HS6ST3: variants seen among roughly 807,000 people sequenced by gnomAD.
HS6ST3 encodes the protein heparan sulfate 6-O-sulfotransferase 3, also known as heparan-sulfate 6-O-sulfotransferase 3.
A neutral mutation model predicts 36.7 loss-of-function variants in HS6ST3; 12 were observed. The observed-to-expected ratio is 0.33, with a 90% CI of 0.21 to 0.53. HS6ST3 has a LOEUF of 0.53. HS6ST3 is among the 20% of genes least tolerant of loss of function. HS6ST3 has a pLI of 0.95. For missense variants in HS6ST3, 584 were observed against 640.9 expected (o/e 0.91, Z 0.96); for synonymous variants, 240 against 257.5 (o/e 0.93, Z 0.65).
chr13:96,177,951 C>T (rs1042775511), intron 1 of HS6ST3, among the ~76,000 whole-genome samples: 8 of 152,044 alleles, frequency 5.3e-5, no homozygotes, highest in African/African-American at 1.7e-4. Context: ...CAATTCAACA[C>T]TGAGTGATGA....
intron 1 of HS6ST3, among the ~76,000 whole-genome samples, chr13:96,715,194 G>A (rs1423123065): frequency 2.0e-5 from 3 of 151,598 alleles, no homozygotes; most frequent in African/African-American, 4.8e-5. Context: ...AATATTGAAG[G>A]AAAAATTGGC....
intron 1 of HS6ST3, among the ~76,000 whole-genome samples, chr13:96,627,378 C>G (rs1439031535): frequency 2.0e-5 from 3 of 151,908 alleles, no homozygotes; most frequent in Admixed American, 2.0e-4. Context: ...GACAACTTGG[C>G]TATGTTGAGC....
chr13:96,149,457 T>C (rs2054074029), intron 1 of HS6ST3, among the ~76,000 whole-genome samples: 1 of 152,168 alleles, frequency 6.6e-6, no homozygotes, highest in Non-Finnish European at 1.5e-5. Context: ...GCTCACCTCT[T>C]ATTAAAGTGA....
intron 1 of HS6ST3, among the ~76,000 whole-genome samples, chr13:96,669,298 A>G (rs1302959345): frequency 2.0e-5 from 3 of 152,162 alleles, no homozygotes; most frequent in Non-Finnish European, 4.4e-5. Flanking sequence ...GTGGCACTGT[A>G]GTGCACTGTG....
intron 1 of HS6ST3, among the ~76,000 whole-genome samples, chr13:96,316,190 A>T (rs766234396): frequency 2.6e-5 from 4 of 152,152 alleles, no homozygotes; most frequent in Non-Finnish European, 5.9e-5. Context: ...ACACATACAC[A>T]TATATGCATA....
intron 1 of HS6ST3, among the ~76,000 whole-genome samples, chr13:96,459,019 G>C (rs1275196652): frequency 6.9e-6 from 1 of 144,590 alleles, no homozygotes; most frequent in East Asian, 2.2e-4. Context: ...CAGGAGAATT[G>C]TTTGAACTCT....
intron 1 of HS6ST3, among the ~76,000 whole-genome samples, chr13:96,359,124 G>A (rs2139434957): frequency 6.6e-6 from 1 of 152,186 alleles, no homozygotes; most frequent in Non-Finnish European, 1.5e-5. Context: ...TACTTTTGGG[G>A]GCAATTACAA....
intron 1 of HS6ST3, among the ~76,000 whole-genome samples, chr13:96,238,981 C>T (rs1419635074): frequency 6.6e-6 from 1 of 152,116 alleles, no homozygotes; most frequent in African/African-American, 2.4e-5. Context: ...AGATTTAGAC[C>T]TTGAAAAATG....
chr13:96,591,131 C>T (rs2056380538), intron 1 of HS6ST3, among the ~76,000 whole-genome samples: 1 of 151,432 alleles, frequency 6.6e-6, no homozygotes, highest in African/African-American at 2.4e-5. Context: ...GGTAAGGTGA[C>T]TCTTCTAGTT....
chr13:96,393,626 C>A (rs1389864455), intron 1 of HS6ST3, among the ~76,000 whole-genome samples: 1 of 152,132 alleles, frequency 6.6e-6, no homozygotes, highest in Non-Finnish European at 1.5e-5. Flanking sequence ...GAAAGGTAAG[C>A]ACTTAAGAAT....
intron 1 of HS6ST3, among the ~76,000 whole-genome samples, chr13:96,267,926 C>A (rs747351837): frequency 6.6e-6 from 1 of 151,898 alleles, no homozygotes; most frequent in South Asian, 2.1e-4. Context: ...ACACTCAGGC[C>A]TCTTCTCATG....
chr13:96,208,387 G>A (rs1258806998), intron 1 of HS6ST3, among the ~76,000 whole-genome samples: 2 of 152,064 alleles, frequency 1.3e-5, no homozygotes, highest in Non-Finnish European at 2.9e-5. Flanking sequence ...AATGCTGTAG[G>A]GAGCATTGTT....
At chr13:96,725,031 C>T (rs147704785) in intron 1 of HS6ST3, among the ~76,000 whole-genome samples, 72 of 152,158 alleles carry the variant, frequency 4.7e-4, no homozygotes, top group African/African-American at 1.4e-3. Flanking sequence ...ACAATTACTC[C>T]GCATTGTCCC....
intron 1 of HS6ST3, among the ~76,000 whole-genome samples, chr13:96,331,401 C>G (rs928981011): frequency 6.6e-6 from 1 of 152,028 alleles, no homozygotes; most frequent in Non-Finnish European, 1.5e-5. Flanking sequence ...TTCTAACAGA[C>G]AGGACCCTCA....
chr13:96,517,850 G>A (rs1436964904), intron 1 of HS6ST3, among the ~76,000 whole-genome samples: 3 of 152,128 alleles, frequency 2.0e-5, no homozygotes, highest in South Asian at 4.1e-4. Context: ...AAAACGTGCA[G>A]TATTTGGGTA....
intron 1 of HS6ST3, among the ~76,000 whole-genome samples, chr13:96,390,271 G>T (rs1057128330): frequency 6.6e-6 from 1 of 152,152 alleles, no homozygotes; most frequent in African/African-American, 2.4e-5. Context: ...AAAGATATTA[G>T]ATTGCTAAAT....
intron 1 of HS6ST3, among the ~76,000 whole-genome samples, chr13:96,717,205 A>C (rs1875721400): frequency 6.6e-6 from 1 of 152,222 alleles, no homozygotes; most frequent in Non-Finnish European, 1.5e-5. Flanking sequence ...ATAGTTTTAT[A>C]GAGTAGGGAC....
At chr13:96,320,400 G>C (rs1566323269) in intron 1 of HS6ST3, among the ~76,000 whole-genome samples, 1 of 152,114 alleles carries the variant, frequency 6.6e-6, no homozygotes, top group East Asian at 1.9e-4. Flanking sequence ...CTATCCCAGA[G>C]TTTTCATTGA....
At chr13:96,658,415 G>A (rs1226827081) in intron 1 of HS6ST3, among the ~76,000 whole-genome samples, 3 of 150,284 alleles carry the variant, frequency 2.0e-5, no homozygotes, top group Non-Finnish European at 4.4e-5. Context: ...CGAGTAGCTG[G>A]GACTACAGGC....
Sources: allele counts gnomAD v4.1 joint callset (sites outside exome capture counted in the v4.1 genomes callset), GRCh38; gene constraint gnomAD v4.1.1; transcripts MANE v1.5; gene names NCBI Gene and HGNC (gene_info 2026-07-23, HGNC 2026-07-21).